ANXA5: variants seen among roughly 807,000 people sequenced by gnomAD.
ANXA5 encodes the protein CBP-I.
Under a neutral mutation model 48.1 loss-of-function variants are expected in ANXA5, and 40 were observed. The ratio of observed to expected loss-of-function variants is 0.83; its 90% CI spans 0.65 to 1.08. ANXA5 has a LOEUF of 1.08. Ranked by LOEUF, ANXA5 falls within the 50% of genes least tolerant of loss-of-function variation. ANXA5 has a pLI of 0.00. For synonymous variants in ANXA5, 113 were observed against 129.1 expected (o/e 0.88, Z 0.85); for missense variants, 357 against 376.8 (o/e 0.95, Z 0.44).
intron 6 of ANXA5, among the ~76,000 whole-genome samples, chr4:121,679,605 C>T (rs1382877736): frequency 6.6e-6 from 1 of 152,154 alleles, no homozygotes; most frequent in Non-Finnish European, 1.5e-5. Flanking sequence ...ACACATCCTC[C>T]ACAGCAGCCA....
chr4:121,687,075 G>A (rs1168216366), intron 2 of ANXA5, among the ~76,000 whole-genome samples: 3 of 152,132 alleles, frequency 2.0e-5, no homozygotes, highest in Non-Finnish European at 4.4e-5. Context: ...GGGAGGCTGA[G>A]GCAGGCGGAT....
At chr4:121,691,734 A>G (rs1004801798) in intron 2 of ANXA5, among the ~76,000 whole-genome samples, 1 of 152,232 alleles carries the variant, frequency 6.6e-6, no homozygotes, top group African/African-American at 2.4e-5. Context: ...CACTCCATGT[A>G]CATACACTAG....
intron 2 of ANXA5, among the ~76,000 whole-genome samples, chr4:121,694,510 G>A (rs911929534): frequency 2.0e-5 from 3 of 150,860 alleles, no homozygotes; most frequent in Admixed American, 6.6e-5. Flanking sequence ...TCAGCCTCCC[G>A]AGTAGCTGGG....
intron 3 of ANXA5, among the ~76,000 whole-genome samples, chr4:121,685,463 G>C (rs1412968438): frequency 6.6e-6 from 1 of 152,170 alleles, no homozygotes; most frequent in Non-Finnish European, 1.5e-5. Context: ...GAAGGACAGC[G>C]TTTAGAATGA....
In ANXA5 at chr4:121,669,588, A is replaced by G. The variant is rs757409095; in HGVS notation, c.903+14T>C. The G allele has an allele frequency of 2.6e-5, 42 of 1,613,098 alleles. No individual in the cohort carries two copies. In the South Asian group the frequency reaches 4.4e-4, roughly 17 times the overall value. ...TTGGATTCCCAAACGTAATTTAAAG[A>G]AAGGTTCTACTACCTTAATCATGGA... is the stretch of plus-strand genomic sequence containing the variant. On this transcript the variant is annotated intron_variant, in intron 12 of 12. Transcript: ENST00000296511.
intron 8 of ANXA5, among the ~76,000 whole-genome samples, chr4:121,673,733 G>T (rs1724649756): frequency 6.6e-6 from 1 of 152,076 alleles, no homozygotes; most frequent in Non-Finnish European, 1.5e-5. Flanking sequence ...AACCTGAAAA[G>T]ACAGTAACTC....
intron 5 of ANXA5, among the ~76,000 whole-genome samples, chr4:121,682,064 A>T (rs1724802794): frequency 6.6e-6 from 1 of 152,162 alleles, no homozygotes; most frequent in Admixed American, 6.6e-5. Flanking sequence ...TGATCAGTTA[A>T]TTCTAGCTTA....
intron 8 of ANXA5, among the ~76,000 whole-genome samples, chr4:121,676,660 T>C (rs1724702568): frequency 8.4e-6 from 1 of 119,664 alleles, no homozygotes; most frequent in African/African-American, 3.0e-5. Flanking sequence ...TGGCAAGAAC[T>C]GTGACAGGAA....
intron 8 of ANXA5, among the ~76,000 whole-genome samples, chr4:121,676,517 GA>G (rs989416607): frequency 6.6e-6 from 1 of 152,128 alleles, no homozygotes; most frequent in African/African-American, 2.4e-5. Flanking sequence ...CTTTCTGGTA[GA>G]GTTATGTGCT....
chr4:121,675,054 G>A (rs959752105), intron 8 of ANXA5, among the ~76,000 whole-genome samples: 8 of 152,164 alleles, frequency 5.3e-5, no homozygotes, highest in African/African-American at 1.9e-4. Context: ...CCCAGTAAAA[G>A]TAAAAAGTGC....
At chr4:121,678,340 A>G in intron 7 of ANXA5, 75 bp downstream of exon 7, 1 of 1,167,864 alleles carries the variant, frequency 8.6e-7, no homozygotes, top group Non-Finnish European at 1.2e-6. Context: ...ATTTTAAGTG[A>G]CCTTACTTAA....
chr4:121,683,981 G>A (rs1724834580), intron 4 of ANXA5, among the ~76,000 whole-genome samples: 1 of 151,384 alleles, frequency 6.6e-6, no homozygotes, highest in South Asian at 2.1e-4. Context: ...GGGAAATTGT[G>A]TATGTAATTA....
chr4:121,669,836 G>T, intron 11 of ANXA5, 112 bp from the exon 12 acceptor site: 1 of 1,456,732 alleles, frequency 6.9e-7, no homozygotes, highest in South Asian at 1.2e-5. Context: ...AGTAGAACTG[G>T]GTTGAATGTT....
chr4:121,673,554 C>T (rs373929624), intron 8 of ANXA5, among the ~76,000 whole-genome samples: 13 of 151,976 alleles, frequency 8.6e-5, no homozygotes, highest in African/African-American at 3.1e-4. Flanking sequence ...GTTTTGATCA[C>T]AGTATATTTA....
intron 8 of ANXA5, among the ~76,000 whole-genome samples, chr4:121,673,313 A>G (rs550810281): frequency 1.3e-5 from 2 of 152,350 alleles, no homozygotes; most frequent in East Asian, 3.9e-4. Context: ...TTATATACAA[A>G]CATCAACGTT....
intron 2 of ANXA5, among the ~76,000 whole-genome samples, chr4:121,690,157 C>T (rs59710276): frequency 0.012 from 1,865 of 152,284 alleles, 50 homozygotes; most frequent in South Asian, 0.07. Context: ...TCAGGGAAAT[C>T]CCATCTTACA....
intron 2 of ANXA5, among the ~76,000 whole-genome samples, chr4:121,689,927 A>G (rs1189894077): frequency 6.6e-6 from 1 of 151,386 alleles, no homozygotes; most frequent in Non-Finnish European, 1.5e-5. Context: ...TGGATGAGAA[A>G]GAGGATGGCT....
chr4:121,677,382 G>A (rs2110482332), intron 8 of ANXA5, among the ~76,000 whole-genome samples: 1 of 152,226 alleles, frequency 6.6e-6, no homozygotes, highest in Middle Eastern at 3.4e-3. Context: ...CACTTAAGAG[G>A]AAATTTTCAT....
At chr4:121,684,653 T>A in intron 4 of ANXA5, 24 bp downstream of exon 4, 1 of 1,594,522 alleles carries the variant, frequency 6.3e-7, no homozygotes, top group Non-Finnish European at 8.6e-7. Flanking sequence ...TCCCATTCTC[T>A]CTTGGGATGA....
Sources: gnomAD v4.1 joint callset for allele counts (sites outside exome capture counted in the v4.1 genomes callset) on GRCh38, gnomAD v4.1.1 for gene constraint, MANE v1.5 for transcripts, NCBI Gene and HGNC (gene_info 2026-07-23, HGNC 2026-07-21) for gene names.